Variants in N4BP2 observed in about 807,000 individuals in gnomAD.
N4BP2 encodes NEDD4 binding protein 2.
Under a neutral mutation model 152.8 loss-of-function variants are expected in N4BP2, and 91 were observed. The observed-to-expected ratio is 0.60, with a 90% CI of 0.50 to 0.71. The LOEUF (loss-of-function observed/expected upper bound fraction) is 0.71. N4BP2 is among the 30% of genes least tolerant of loss of function. The pLI is 0.00. For synonymous variants in N4BP2, 646 were observed against 705.3 expected, an observed-to-expected ratio of 0.92 and a Z score of 1.33; for missense variants, 1,923 against 2,059.1, an observed-to-expected ratio of 0.93 and a Z score of 1.28.
the N4BP2 span, among the ~76,000 whole-genome samples, chr4:40,176,416 CTTAGA>C: frequency 6.6e-6 from 1 of 152,108 alleles, no homozygotes; most frequent in Non-Finnish European, 1.5e-5. Flanking sequence ...AAAGTAGATT[CTTAGA>C]TTAATTTTTG....
chr4:40,099,530 G>A (rs983563338), intron 3 of N4BP2, among the ~76,000 whole-genome samples: 7 of 152,048 alleles, frequency 4.6e-5, no homozygotes, highest in East Asian at 1.9e-4. Context: ...GATTACAGGC[G>A]TGAGCCACTG....
rs1225325708 is a variant in N4BP2 at position 40,123,130 on chromosome 4, C to T, written c.4202C>T (p.Ser1401Phe). The T allele has an allele frequency of 2.5e-6, 4 of 1,601,480 alleles. No homozygotes were observed. The highest frequency in any genetic ancestry group is 1.1e-5 in the South Asian group (1 of 89,626). ...LFGPVGIDSG[S>F]LTVEDCVVHI... ...TCCCTCCCCCTTCCCCCACAAGGGTCTCTAACAGTTGAAGATTGTGTGGTT... is the reference window on the plus strand; with the variant it reads ...TCCCTCCCCCTTCCCCCACAAGGGTTTCTAACAGTTGAAGATTGTGTGGTT... Residue 1401 changes from serine to phenylalanine, a missense_variant, in exon 10 of 18, where the codon TCT becomes TTT. By Grantham distance (155) the Ser-to-Phe change is radical. Transcript: ENST00000261435.
At chr4:40,126,998 A>G (rs776797030) in intron 12 of N4BP2, among the ~76,000 whole-genome samples, 2 of 151,808 alleles carry the variant, frequency 1.3e-5, no homozygotes, top group African/African-American at 2.4e-5. Flanking sequence ...ACCTCAAGTG[A>G]GCCACCTGCC....
intron 14 of N4BP2, among the ~76,000 whole-genome samples, chr4:40,139,467 T>C (rs1377957897): frequency 6.6e-6 from 1 of 151,622 alleles, no homozygotes; most frequent in Non-Finnish European, 1.5e-5. Flanking sequence ...GGGTTTTTTG[T>C]ATTAATTTTG....
At chr4:40,081,148 C>G (rs1713327808) in intron 2 of N4BP2, among the ~76,000 whole-genome samples, 1 of 151,570 alleles carries the variant, frequency 6.6e-6, no homozygotes, top group East Asian at 1.9e-4. Context: ...TGATTTTTTC[C>G]TGATTATGGA....
chr4:40,095,281 T>C (rs1715005871), intron 2 of N4BP2, among the ~76,000 whole-genome samples: 1 of 151,848 alleles, frequency 6.6e-6, no homozygotes, highest in African/African-American at 2.4e-5. Flanking sequence ...AATTTCACCA[T>C]TGTTGGCCAG....
intron 13 of N4BP2, 128 bp from the exon 14 acceptor site, chr4:40,136,816 A>G: frequency 1.6e-6 from 1 of 623,376 alleles, no homozygotes; most frequent in Non-Finnish European, 2.7e-6. Context: ...TTTAATTTCA[A>G]GGTTGAAAAC....
chr4:40,174,206 G>A, the N4BP2 span, among the ~76,000 whole-genome samples: 1 of 151,832 alleles, frequency 6.6e-6, no homozygotes, highest in Admixed American at 6.6e-5. Context: ...GCAAGACACT[G>A]TCTCTACAAA....
downstream of N4BP2, among the ~76,000 whole-genome samples, chr4:40,158,463 T>TGTAAAA (rs1721763700): frequency 5.3e-5 from 8 of 152,224 alleles, no homozygotes; most frequent in African/African-American, 1.7e-4. Flanking sequence ...GTTTCTCTCC[T>TGTAAAA]CACACCCTGT....
intron 13 of N4BP2, among the ~76,000 whole-genome samples, chr4:40,135,815 C>T (rs1719332352): frequency 6.6e-6 from 1 of 152,130 alleles, no homozygotes; most frequent in African/African-American, 2.4e-5. Context: ...GATCCACCTG[C>T]CTCGGCCTCC....
intron 1 of N4BP2, among the ~76,000 whole-genome samples, chr4:40,066,320 CTT>C (rs11384930): frequency 5.5e-4 from 71 of 129,024 alleles, no homozygotes; most frequent in Admixed American, 7.5e-4. Context: ...GTGATTTTCC[CTT>C]TTTTTTTTTT....
intron 1 of N4BP2, among the ~76,000 whole-genome samples, chr4:40,069,257 G>A (rs1711896251): frequency 6.6e-6 from 1 of 151,818 alleles, no homozygotes; most frequent in Non-Finnish European, 1.5e-5. Flanking sequence ...GGCCAACATG[G>A]TGAAACTCCG....
rs1457290420 is a variant in N4BP2, at chr4:40,126,244, T to C, written c.4441T>C (p.Leu1481=). 5 of 1,605,642 alleles carry C rather than the reference T, an allele frequency of 3.1e-6. No homozygotes were observed. In the South Asian group the frequency reaches 4.5e-5, roughly 14 times the overall value. Reference sequence around the variant, plus strand: ...AACAGCATCTGAAATGCTACCTTTATTGGATCATTGGAATACTCAAACTAA... The same window carrying C: ...AACAGCATCTGAAATGCTACCTTTACTGGATCATTGGAATACTCAAACTAA... ...TLTASEMLPL[L]DHWNTQTKKV... The change falls in exon 12 of 18, where the codon TTG becomes CTG. Residue 1481 remains leucine (L), a synonymous_variant. Transcript: ENST00000261435.
In N4BP2 at chr4:40,074,051, C is replaced by T. The variant is rs543729517; in HGVS notation, c.-115+500C>T. On this transcript the variant is annotated intron_variant, in intron 2 of 17. Transcript: ENST00000261435. Reference sequence around the variant, plus strand: ...AGGTGATCCGCCCGCCTCAGCCTCCCAAAGTACTGGGATTACAGGCGTGAG... The same window carrying T: ...AGGTGATCCGCCCGCCTCAGCCTCCTAAAGTACTGGGATTACAGGCGTGAG... 3.1e-4 allele frequency among the ~76,000 whole-genome samples: 47 copies of T among 152,176 alleles called. 1 individual carries two copies. In the South Asian group the frequency reaches 9.3e-3, roughly 30 times the overall value.
chr4:40,126,066 C>T (rs1381908950), intron 11 of N4BP2, 68 bp from the exon 12 acceptor site: 11 of 988,770 alleles, frequency 1.1e-5, no homozygotes, highest in Non-Finnish European at 1.4e-5. Flanking sequence ...GTAAATATAA[C>T]AGAGTGAATA....
intron 2 of N4BP2, among the ~76,000 whole-genome samples, chr4:40,080,879 G>A (rs1713294088): frequency 6.7e-6 from 1 of 148,906 alleles, no homozygotes; most frequent in Admixed American, 6.8e-5. Context: ...TTTTAGCCAG[G>A]ATGGTCTCGA....
At chr4:40,084,014 C>T (rs1484917506) in intron 2 of N4BP2, among the ~76,000 whole-genome samples, 4 of 152,160 alleles carry the variant, frequency 2.6e-5, no homozygotes, top group Non-Finnish European at 5.9e-5. Context: ...GCTGGAGTTG[C>T]AGTGGTGTGA....
intron 5 of N4BP2, among the ~76,000 whole-genome samples, chr4:40,109,728 A>AG (rs1243283985): frequency 5.9e-5 from 9 of 152,078 alleles, no homozygotes; most frequent in Non-Finnish European, 1.3e-4. Flanking sequence ...AAAAAAAAAA[A>AG]AAGTGTTAGC....
intron 12 of N4BP2, among the ~76,000 whole-genome samples, chr4:40,127,194 C>T (rs1015508681): frequency 2.6e-5 from 4 of 151,662 alleles, no homozygotes; most frequent in Non-Finnish European, 5.9e-5. Context: ...TGACCGGCTG[C>T]ATCTTCTTCT....
Sources: gnomAD v4.1 joint callset for allele counts (sites outside exome capture counted in the v4.1 genomes callset) on GRCh38, gnomAD v4.1.1 for gene constraint, MANE v1.5 for transcripts, NCBI Gene and HGNC (gene_info 2026-07-23, HGNC 2026-07-21) for gene names.